The following SCUBE2 variants were observed in gnomAD, a reference collection of about 807,000 sequenced individuals.
The protein encoded by SCUBE2 is signal peptide, CUB and EGF-like domain-containing protein 2.
SCUBE2 carries 114 observed loss-of-function variants against 125.9 expected under a neutral mutation model. The observed-to-expected ratio is 0.91, with a 90% confidence interval of 0.78 to 1.06. SCUBE2 has a LOEUF of 1.06. Ranked by LOEUF, SCUBE2 falls within the 50% of genes least tolerant of loss-of-function variation. The pLI is 0.00. For synonymous variants in SCUBE2, 459 were observed against 492.9 expected (o/e 0.93, Z 0.91); for missense variants, 1,255 against 1,301.8 (o/e 0.96, Z 0.55).
intron 16 of SCUBE2, among the ~76,000 whole-genome samples, chr11:9,041,496 G>T (rs1857241965): frequency 6.6e-6 from 1 of 152,174 alleles, no homozygotes; most frequent in Non-Finnish European, 1.5e-5. Flanking sequence ...AGTGAGGTAT[G>T]GAGAAGCAGA....
chr11:9,079,849 T>C (rs143847146), intron 2 of SCUBE2, among the ~76,000 whole-genome samples: 1 of 152,008 alleles, frequency 6.6e-6, no homozygotes, highest in East Asian at 1.9e-4. Flanking sequence ...AATGAAAAAA[T>C]CAAAATTAAA....
chr11:9,029,613 G>A (rs1050191178), intron 19 of SCUBE2, among the ~76,000 whole-genome samples: 4 of 152,234 alleles, frequency 2.6e-5, no homozygotes, highest in Non-Finnish European at 1.5e-5. Context: ...ATCAAGGCTG[G>A]ACTAAAATTA....
intron 15 of SCUBE2, 50 bp from the exon 16 acceptor site, chr11:9,047,612 T>C: frequency 6.4e-7 from 1 of 1,563,672 alleles, no homozygotes; most frequent in Non-Finnish European, 8.8e-7. Flanking sequence ...GGCTGCAGCG[T>C]GTGACAATGG....
At position 9,048,051 on chromosome 11, in the gene SCUBE2, A is replaced by C. The variant is rs750059943; in HGVS notation, c.1687T>G (p.Cys563Gly). The change falls in exon 15 of 23, where the codon TGC becomes GGC. Residue 563 changes from cysteine to glycine, a missense_variant. Around this residue, in one of 3 missense-constraint regions of SCUBE2, gnomAD observed 378 missense variants for 463.1 expected, o/e 0.82. Coordinates refer to ENST00000649792, the MANE Select transcript of SCUBE2 (RefSeq NM_001367977.2). The part of the protein sequence containing the change: ...KESFRYVNLT[C>G]SSGKQVPGAP... Reference sequence around the variant, plus strand: ...CCTGGGACTTGCTTGCCAGAGCTGCATGTAAGGTTTACGTAGCGGAAGCTC... The same window carrying C: ...CCTGGGACTTGCTTGCCAGAGCTGCCTGTAAGGTTTACGTAGCGGAAGCTC... 1 of 1,614,212 alleles carries C rather than the reference A, an allele frequency of 6.2e-7. No individual in the cohort carries two copies. Among genetic ancestry groups the C allele is most frequent in the East Asian group, 2.2e-5 (1 of 44,888 alleles).
At chr11:9,024,928 G>A (rs929207588) in intron 21 of SCUBE2, among the ~76,000 whole-genome samples, 13 of 152,096 alleles carry the variant, frequency 8.5e-5, no homozygotes, top group Admixed American at 4.6e-4. Flanking sequence ...CAGCACTTAG[G>A]CCAATGCCTG....
intron 14 of SCUBE2, 142 bp from the exon 15 acceptor site, chr11:9,048,240 CCTTAA>C (rs1858002431): frequency 2.7e-6 from 2 of 747,254 alleles, no homozygotes; most frequent in South Asian, 5.2e-5. Context: ...CACTGCAAGC[CCTTAA>C]CTTGGAGCAC....
chr11:9,048,127 C>G (rs1857989782), intron 14 of SCUBE2, 29 bp from the exon 15 acceptor site: 1 of 1,590,780 alleles, frequency 6.3e-7, no homozygotes, highest in African/African-American at 1.4e-5. Context: ...TTATCGGAAG[C>G]CAAATCCTGG....
At chr11:9,077,779 C>T (rs1334256797) in intron 3 of SCUBE2, among the ~76,000 whole-genome samples, 1 of 152,240 alleles carries the variant, frequency 6.6e-6, no homozygotes, top group Non-Finnish European at 1.5e-5. Flanking sequence ...ATCCTTGCTA[C>T]TGAGTCCACA....
At position 9,059,239 on chromosome 11, in the gene SCUBE2, G is replaced by A. The variant is rs1369596864; in HGVS notation, c.1090+64C>T. 11 of 1,573,894 alleles carry A rather than the reference G, an allele frequency of 7.0e-6. No individual in the cohort carries two copies. The South Asian group carries it at 9.2e-5, about 13-fold the overall frequency. ...ATAAGCCAGTCTCTGCCAGGAGGGT[G>A]CTACGTTCTCTCTGCTCCAACCTGT... On this transcript the variant is annotated intron_variant, in intron 9 of 22. Transcript: ENST00000649792.
chr11:9,047,711 A>G (rs1409146166), intron 15 of SCUBE2, 149 bp from the exon 16 acceptor site: 12 of 948,342 alleles, frequency 1.3e-5, no homozygotes, highest in Non-Finnish European at 1.9e-5. Context: ...CAGGCTGGGC[A>G]GCATTTGATT....
Position 9,021,563 on chromosome 11 carries a change from A to G in SCUBE2, c.2934+313T>C, listed in dbSNP as rs574097337. ...AATTTTAGGCTTGAAGTATACATAA[A>G]GAGCCAAGGATCCTCAACTATTTGG... is the stretch of plus-strand genomic sequence containing the variant. On this transcript the variant is annotated intron_variant, in intron 22 of 22. Transcript: ENST00000649792. 3.9e-5 allele frequency among the ~76,000 whole-genome samples: 6 copies of G among 152,352 alleles called. No homozygotes were observed. In the East Asian group the frequency reaches 1.2e-3, roughly 29 times the overall value.
intron 2 of SCUBE2, 95 bp downstream of exon 2, chr11:9,089,612 G>A (rs1020970600): frequency 2.1e-5 from 29 of 1,372,180 alleles, no homozygotes; most frequent in African/African-American, 4.3e-5. Flanking sequence ...AGGGAGAGGA[G>A]GGGCAGTACT....
chr11:9,048,259 G>C (rs1858005642), intron 14 of SCUBE2, among the ~76,000 whole-genome samples, 161 bp from the exon 15 acceptor site: 1 of 152,200 alleles, frequency 6.6e-6, no homozygotes, highest in South Asian at 2.1e-4. Flanking sequence ...GGAGCACAAC[G>C]ACATTTTAAT....
At chr11:9,050,029 G>T (rs1045018242) in intron 14 of SCUBE2, 3 of 152,144 alleles carry the variant, frequency 2.0e-5, no homozygotes, top group South Asian at 4.1e-4. Context: ...ATTTCCAAAA[G>T]AATTCTATAA....
At chr11:9,061,684 A>C (rs1859703594) in intron 7 of SCUBE2, among the ~76,000 whole-genome samples, 1 of 152,222 alleles carries the variant, frequency 6.6e-6, no homozygotes, top group Admixed American at 6.5e-5. Flanking sequence ...CGAATATGAG[A>C]ATCAATTGAT....
intron 16 of SCUBE2, among the ~76,000 whole-genome samples, chr11:9,038,215 G>A (rs1856903006): frequency 6.6e-6 from 1 of 152,190 alleles, no homozygotes; most frequent in East Asian, 1.9e-4. Context: ...GTAATAGAAT[G>A]CAAGTAGTAG....
chr11:9,024,087 A>C (rs1855529339), intron 21 of SCUBE2: 1 of 389,372 alleles, frequency 2.6e-6, no homozygotes, highest in African/African-American at 2.2e-5. Flanking sequence ...CTACTGTGAC[A>C]CATGCAAGAC....
chr11:9,064,322 CCAGGCG>C (rs1198616796), intron 7 of SCUBE2, among the ~76,000 whole-genome samples: 5 of 151,978 alleles, frequency 3.3e-5, no homozygotes, highest in African/African-American at 1.2e-4. Context: ...CAAATATTAG[CCAGGCG>C]CAGTGGCACA....
chr11:9,034,945 C>T (rs117445132), intron 16 of SCUBE2, among the ~76,000 whole-genome samples: 2,964 of 152,018 alleles, frequency 0.019, 41 homozygotes, highest in Non-Finnish European at 0.032. Flanking sequence ...TGCAATGGGC[C>T]GAGATGGTGC....
Sources: gnomAD v4.1 joint callset for allele counts (sites outside exome capture counted in the v4.1 genomes callset) on GRCh38, gnomAD v4.1.1 for gene constraint, gnomAD v4.1.1 regional missense constraint, MANE v1.5 for transcripts, NCBI Gene and HGNC (gene_info 2026-07-23, HGNC 2026-07-21) for gene names.